UBE2G1: variants seen among roughly 807,000 people sequenced by gnomAD.
UBE2G1 encodes the protein ubiquitin-conjugating enzyme E2 G1.
Under a neutral mutation model 22.7 loss-of-function variants are expected in UBE2G1, and 5 were observed. The ratio of observed to expected loss-of-function variants is 0.22; its 90% CI spans 0.12 to 0.46. The LOEUF (loss-of-function observed/expected upper bound fraction) is 0.46. Among genes scored for constraint, UBE2G1 ranks in the 20% least tolerant of loss-of-function variants. The pLI, the probability that UBE2G1 is intolerant of heterozygous loss-of-function variation, is 0.99. For missense variants in UBE2G1, 88 were observed against 203.9 expected, an observed-to-expected ratio of 0.43 and a Z score of 3.46; for synonymous variants, 74 against 67.5, an observed-to-expected ratio of 1.10 and a Z score of -0.47.
At chr17:4,341,168 A>G (rs556362162) in intron 1 of UBE2G1, among the ~76,000 whole-genome samples, 195 of 152,296 alleles carry the variant, frequency 1.3e-3, no homozygotes, top group African/African-American at 4.5e-3. Context: ...CTGGTCATGC[A>G]AATCACATTG....
At chr17:4,364,737 G>A (rs1024239727) in intron 1 of UBE2G1, among the ~76,000 whole-genome samples, 2 of 151,956 alleles carry the variant, frequency 1.3e-5, no homozygotes, top group Non-Finnish European at 2.9e-5. Flanking sequence ...CCTCCGCCAC[G>A]CCCGAATAAT....
At chr17:4,312,027 A>G (rs1375867981) in intron 1 of UBE2G1, among the ~76,000 whole-genome samples, 1 of 13,988 alleles carries the variant, frequency 7.1e-5, no homozygotes, top group Non-Finnish European at 1.2e-3. Context: ...CGGGTGGATC[A>G]TCTGAGGTGA....
intron 5 of UBE2G1, among the ~76,000 whole-genome samples, chr17:4,280,990 A>C (rs937481032): frequency 1.3e-5 from 2 of 152,134 alleles, no homozygotes; most frequent in African/African-American, 4.8e-5. Context: ...CACTTTAGAA[A>C]ACAATTTGGC....
intron 1 of UBE2G1, among the ~76,000 whole-genome samples, chr17:4,310,818 T>C (rs777422725): frequency 1.6e-4 from 25 of 152,200 alleles, no homozygotes; most frequent in Non-Finnish European, 3.1e-4. Flanking sequence ...ACCTCGAGTA[T>C]ATAGTAGTCG....
chr17:4,315,264 A>C (rs2143748593), intron 1 of UBE2G1, among the ~76,000 whole-genome samples: 1 of 152,308 alleles, frequency 6.6e-6, no homozygotes, highest in South Asian at 2.1e-4. Flanking sequence ...TGGGCATTTA[A>C]AATTTTCCTC....
At chr17:4,309,224 A>G (rs542866841) in intron 1 of UBE2G1, among the ~76,000 whole-genome samples, 1 of 152,370 alleles carries the variant, frequency 6.6e-6, no homozygotes, top group South Asian at 2.1e-4. Context: ...ATGCCACTGT[A>G]TTCCAGCCTG....
chr17:4,328,829 G>A (rs1969530915), intron 1 of UBE2G1, among the ~76,000 whole-genome samples: 1 of 152,222 alleles, frequency 6.6e-6, no homozygotes, highest in African/African-American at 2.4e-5. Flanking sequence ...GCTCACGCCT[G>A]TAATCCCCGC....
chr17:4,364,645 A>G (rs1269316920), intron 1 of UBE2G1, among the ~76,000 whole-genome samples: 3 of 143,300 alleles, frequency 2.1e-5, no homozygotes, highest in Non-Finnish European at 3.0e-5. Context: ...CAATGGCGCG[A>G]TCTCAGCTCA....
chr17:4,292,079 T>C (rs1049739022), intron 3 of UBE2G1, among the ~76,000 whole-genome samples: 4 of 152,048 alleles, frequency 2.6e-5, no homozygotes, highest in Non-Finnish European at 5.9e-5. Flanking sequence ...GGCTGGCCTG[T>C]AATCCCAGCA....
At chr17:4,311,551 A>G (rs911518604) in intron 1 of UBE2G1, among the ~76,000 whole-genome samples, 1 of 152,246 alleles carries the variant, frequency 6.6e-6, no homozygotes, top group Non-Finnish European at 1.5e-5. Flanking sequence ...GTCACATGTT[A>G]TATGACTTAT....
chr17:4,360,871 C>G (rs1425157959), intron 1 of UBE2G1, among the ~76,000 whole-genome samples: 1 of 152,030 alleles, frequency 6.6e-6, no homozygotes, highest in African/African-American at 2.4e-5. Context: ...TAGATCATGC[C>G]ATTGCACTAC....
At chr17:4,351,888 G>A (rs1230614147) in intron 1 of UBE2G1, among the ~76,000 whole-genome samples, 2 of 152,184 alleles carry the variant, frequency 1.3e-5, no homozygotes, top group Non-Finnish European at 2.9e-5. Flanking sequence ...AATACCAGAT[G>A]CGGCCATCAC....
At chr17:4,332,250 A>G (rs1969587713) in intron 1 of UBE2G1, among the ~76,000 whole-genome samples, 1 of 152,044 alleles carries the variant, frequency 6.6e-6, no homozygotes, top group Non-Finnish European at 1.5e-5. Context: ...GCTATATTCT[A>G]TTTGGCAGTG....
intron 1 of UBE2G1, among the ~76,000 whole-genome samples, chr17:4,326,088 AAT>A (rs532735655): frequency 2.4e-4 from 37 of 152,308 alleles, no homozygotes; most frequent in African/African-American, 6.5e-4. Context: ...CACCAAGAGC[AAT>A]AGAGACAAAA....
At chr17:4,362,752 G>A (rs1969983179) in intron 1 of UBE2G1, among the ~76,000 whole-genome samples, 1 of 151,832 alleles carries the variant, frequency 6.6e-6, no homozygotes, top group East Asian at 1.9e-4. Flanking sequence ...CTCAGCTACT[G>A]GGGGCCGCAG....
intron 1 of UBE2G1, among the ~76,000 whole-genome samples, chr17:4,339,622 T>C (rs1404414055): frequency 6.6e-6 from 1 of 152,106 alleles, no homozygotes; most frequent in Non-Finnish European, 1.5e-5. Context: ...TTAACTCTTT[T>C]GGGCGGATCA....
chr17:4,326,415 A>AAC (rs1258102457), intron 1 of UBE2G1, among the ~76,000 whole-genome samples: 1 of 152,206 alleles, frequency 6.6e-6, no homozygotes, highest in African/African-American at 2.4e-5. Context: ...ATTGCTATTA[A>AAC]ACACACACAC....
At chr17:4,290,371 T>C (rs1969019368) in intron 3 of UBE2G1, among the ~76,000 whole-genome samples, 1 of 152,266 alleles carries the variant, frequency 6.6e-6, no homozygotes, top group Non-Finnish European at 1.5e-5. Context: ...GTATTTCTGC[T>C]GTTATGAACT....
chr17:4,342,664 T>A (rs1969724593), intron 1 of UBE2G1, among the ~76,000 whole-genome samples: 1 of 152,218 alleles, frequency 6.6e-6, no homozygotes, highest in Non-Finnish European at 1.5e-5. Context: ...AACCACTTTG[T>A]TCTCGGCTCC....
Sources: gnomAD v4.1 joint callset for allele counts (sites outside exome capture counted in the v4.1 genomes callset) on GRCh38, gnomAD v4.1.1 for gene constraint, MANE v1.5 for transcripts, NCBI Gene and HGNC (gene_info 2026-07-23, HGNC 2026-07-21) for gene names.